The following ANK2 variants were observed in gnomAD, a reference collection of about 807,000 sequenced individuals.
ANK2 encodes ankyrin-2.
A neutral mutation model predicts 360.5 loss-of-function variants in ANK2; 83 were observed. The ratio of observed to expected loss-of-function variants is 0.23; its 90% CI spans 0.19 to 0.28. ANK2 has a LOEUF of 0.28. ANK2 is among the 10% of genes least tolerant of loss of function. The pLI is 1.00. For missense variants in ANK2, 4,201 were observed against 4,795.7 expected (o/e 0.88, Z 3.66); for synonymous variants, 1,740 against 1,759.5 (o/e 0.99, Z 0.28).
chr4:112,818,711 G>A (rs1361472972), intron 1 of ANK2, among the ~76,000 whole-genome samples: 1 of 152,152 alleles, frequency 6.6e-6, no homozygotes. Flanking sequence ...TCTGCATTGG[G>A]TGAGTAGGTG....
At chr4:113,249,387 G>A (rs1017371232) in intron 9 of ANK2, among the ~76,000 whole-genome samples, 5 of 152,112 alleles carry the variant, frequency 3.3e-5, no homozygotes, top group African/African-American at 1.2e-4. Context: ...CCCTGTTTTC[G>A]GTTCCAGGGA....
At chr4:113,228,954 G>A (rs1317765223) in intron 4 of ANK2, among the ~76,000 whole-genome samples, 1 of 152,102 alleles carries the variant, frequency 6.6e-6, no homozygotes, top group Non-Finnish European at 1.5e-5. Flanking sequence ...TGTGATGAGG[G>A]CAATGCCACT....
chr4:113,234,218 G>C (rs2099353242), intron 5 of ANK2, among the ~76,000 whole-genome samples: 1 of 151,994 alleles, frequency 6.6e-6, no homozygotes, highest in South Asian at 2.1e-4. Flanking sequence ...TTTCCCATTT[G>C]GTTCCAAAAA....
the ANK2 span, among the ~76,000 whole-genome samples, chr4:112,802,993 G>A: frequency 6.6e-6 from 1 of 152,148 alleles, no homozygotes; most frequent in South Asian, 2.1e-4. Flanking sequence ...TTTATAGCCT[G>A]TGTCTGTTCT....
intron 4 of ANK2, among the ~76,000 whole-genome samples, chr4:113,203,518 A>T (rs1229282220): frequency 1.3e-5 from 2 of 151,920 alleles, no homozygotes; most frequent in African/African-American, 4.8e-5. Flanking sequence ...ACTTCTTTAT[A>T]GTTTCAGGAT....
rs534814239 is a variant in ANK2 at position 113,192,769 on chromosome 4, A to G, written c.187-3599A>G. ...TGTCATTAACATTTCTTATTCTTTC[A>G]TTCATCAAATATTTATTTCTCAGCA... On this transcript the variant is annotated intron_variant, in intron 2 of 45. Coordinates refer to ENST00000357077, the MANE Select transcript of ANK2 (RefSeq NM_001148.6). Among the ~76,000 whole-genome samples the G allele has an allele frequency of 8.5e-5, 13 of 152,114 alleles. No individual in the cohort carries two copies. In the South Asian group the frequency reaches 2.3e-3, roughly 27 times the overall value.
chr4:113,336,373 C>G, intron 30 of ANK2: 1 of 593,748 alleles, frequency 1.7e-6, no homozygotes, highest in Non-Finnish European at 2.9e-6. Context: ...GCAAGAGCTG[C>G]CATCAGAGAT....
In ANK2 at chr4:112,885,907, A is replaced by G. The variant is rs75009519; in HGVS notation, c.-39-18548A>G. On this transcript the variant is annotated intron_variant, in intron 1 of 30. Transcript: ENST00000503271. ...TTTTTCTCTGAGATGGTATTTTTTGAACATCTAAAAGGAAGATATATACAT... is the reference window on the plus strand; with the variant it reads ...TTTTTCTCTGAGATGGTATTTTTTGGACATCTAAAAGGAAGATATATACAT... 1.5e-4 allele frequency among the ~76,000 whole-genome samples: 23 copies of G among 151,918 alleles called. 1 individual carries two copies. The South Asian group carries it at 4.0e-3, about 26-fold the overall frequency.
intron 39 of ANK2, among the ~76,000 whole-genome samples, chr4:113,362,467 C>T (rs2096277784): frequency 6.6e-6 from 1 of 152,044 alleles, no homozygotes; most frequent in Non-Finnish European, 1.5e-5. Context: ...TTTACAGAGA[C>T]AGGATCATGC....
chr4:112,782,453 A>G, the ANK2 span, among the ~76,000 whole-genome samples: 1 of 152,258 alleles, frequency 6.6e-6, no homozygotes, highest in Non-Finnish European at 1.5e-5. Context: ...TAATGGAATC[A>G]AATAGTGCTT....
intron 2 of ANK2, among the ~76,000 whole-genome samples, chr4:113,019,067 G>A (rs189989922): frequency 1.0e-3 from 153 of 152,156 alleles, no homozygotes; most frequent in Non-Finnish European, 1.5e-3. Flanking sequence ...ATTTAAGGTC[G>A]TAATAAAAGG....
At chr4:112,846,704 G>A (rs2063391025) in intron 1 of ANK2, among the ~76,000 whole-genome samples, 1 of 151,756 alleles carries the variant, frequency 6.6e-6, no homozygotes, top group African/African-American at 2.4e-5. Context: ...TTCTTTTCCT[G>A]GGTAATCTCA....
intron 2 of ANK2, among the ~76,000 whole-genome samples, chr4:113,016,982 C>G (rs17680801): frequency 2.0e-5 from 3 of 152,056 alleles, no homozygotes; most frequent in African/African-American, 7.2e-5. Context: ...GGTGAATTAC[C>G]GCTATCATCT....
At chr4:112,859,509 TGTCCA>T (rs2067326093) in intron 1 of ANK2, among the ~76,000 whole-genome samples, 1 of 152,236 alleles carries the variant, frequency 6.6e-6, no homozygotes, top group African/African-American at 2.4e-5. Flanking sequence ...CTGCCTCCTG[TGTCCA>T]GGAAGGCTCC....
chr4:113,176,547 C>T (rs778601586), intron 2 of ANK2, among the ~76,000 whole-genome samples: 71 of 151,938 alleles, frequency 4.7e-4, no homozygotes, highest in Non-Finnish European at 8.7e-4. Context: ...CATTCAAACT[C>T]CCATATGGAT....
intron 1 of ANK2, among the ~76,000 whole-genome samples, chr4:112,823,230 G>A (rs2057610602): frequency 6.6e-6 from 1 of 152,182 alleles, no homozygotes; most frequent in Non-Finnish European, 1.5e-5. Context: ...GTTTCTACTG[G>A]TTGAGTGAGG....
chr4:113,130,875 A>T (rs72892038), intron 1 of ANK2, among the ~76,000 whole-genome samples: 1,719 of 152,282 alleles, frequency 0.011, 31 homozygotes, highest in African/African-American at 0.038. Context: ...CAACACATAG[A>T]TTGTACCAAT....
chr4:113,356,346 C>T lies in ANK2; in HGVS notation c.7728C>T (p.Asn2576=), dbSNP rs374771370. ...GTGCAGAGGAGGATGATTCAGAAAA[C>T]GGGGAGAAAAAGAGGTTCACACCTG... ...HECAEEDDSE[N]GEKKRFTPEE... The change falls in exon 38 of 46, where the codon AAC becomes AAT. Residue 2576 remains asparagine, a synonymous_variant. Coordinates refer to ENST00000357077, the MANE Select transcript of ANK2 (RefSeq NM_001148.6). 159 of 1,613,966 alleles carry T rather than the reference C, an allele frequency of 9.9e-5. No individual in the cohort carries two copies. The highest frequency in any genetic ancestry group is 2.0e-4 in the East Asian group (9 of 44,882).
chr4:113,213,597 A>G (rs1199836551), intron 4 of ANK2, among the ~76,000 whole-genome samples: 4 of 152,212 alleles, frequency 2.6e-5, no homozygotes, highest in Non-Finnish European at 5.9e-5. Flanking sequence ...ATATATGCAA[A>G]TAATTTACAT....
Sources: allele counts gnomAD v4.1 joint callset (sites outside exome capture counted in the v4.1 genomes callset), GRCh38; gene constraint gnomAD v4.1.1; transcripts MANE v1.5; gene names NCBI Gene and HGNC (gene_info 2026-07-23, HGNC 2026-07-21).